The following GOLGA5 variants were observed in gnomAD, a reference collection of about 807,000 sequenced individuals.
GOLGA5 encodes the protein golgin subfamily A member 5.
GOLGA5 carries 50 observed loss-of-function variants against 93.5 expected under a neutral mutation model. The ratio of observed to expected loss-of-function variants is 0.53; its 90% CI spans 0.43 to 0.68. The LOEUF is 0.68. GOLGA5 is among the 30% of genes least tolerant of loss of function. The pLI is 0.00. For synonymous variants in GOLGA5, 312 were observed against 304.5 expected (o/e 1.02, Z -0.26); for missense variants, 760 against 856.4 (o/e 0.89, Z 1.40).
intron 9 of GOLGA5, among the ~76,000 whole-genome samples, chr14:92,830,873 T>TA (rs972821632): frequency 9.2e-5 from 14 of 152,326 alleles, no homozygotes; most frequent in African/African-American, 3.4e-4. Context: ...GTGCTGGAGT[T>TA]ACACACGTGA....
chr14:92,830,028 G>A (rs1368949992), intron 9 of GOLGA5, among the ~76,000 whole-genome samples: 1 of 152,136 alleles, frequency 6.6e-6, no homozygotes, highest in East Asian at 1.9e-4. Flanking sequence ...TTTATTTAAA[G>A]CAAGCTTGGG....
At chr14:92,829,090 A>G (rs10142750) in intron 9 of GOLGA5, among the ~76,000 whole-genome samples, 112,355 of 151,748 alleles carry the variant, frequency 0.74, 42,045 homozygotes, top group East Asian at 0.85. Context: ...TCAGCTTCCC[A>G]AGTGGCTGGG....
chr14:92,828,988 A>G (rs1885474967), intron 9 of GOLGA5, among the ~76,000 whole-genome samples: 1 of 152,044 alleles, frequency 6.6e-6, no homozygotes, highest in South Asian at 2.1e-4. Context: ...TTTTTGAGAC[A>G]AGGTCCCACT....
intron 2 of GOLGA5, among the ~76,000 whole-genome samples, chr14:92,800,902 A>G (rs975071396): frequency 6.6e-6 from 1 of 152,260 alleles, no homozygotes; most frequent in Non-Finnish European, 1.5e-5. Flanking sequence ...AACTGGTTAT[A>G]ATACACAGGA....
rs762126649 is a variant in GOLGA5 at position 92,806,783 on chromosome 14, T to C, written c.592T>C (p.Ser198Pro). The change falls in exon 3 of 13, where the codon TCA becomes CCA. Residue 198 changes from serine to proline, a missense_variant. Ser to Pro is a moderately conservative substitution (Grantham distance 74, BLOSUM62 -1). Transcript: ENST00000163416. ...DSSHEGQEESSKENVSSNAAC... is the reference protein window; with the variant it reads ...DSSHEGQEESPKENVSSNAAC... The stretch of plus-strand genomic sequence containing the variant: ...TAGCCATGAAGGTCAAGAGGAATCT[T>C]CAAAGGAAAATGTGTCATCAAATGC... 1.2e-6 allele frequency: 2 copies of C among 1,614,020 alleles called. No individual in the cohort carries two copies. The highest frequency in any genetic ancestry group is 1.1e-5 in the South Asian group (1 of 91,082).
At chr14:92,813,321 T>C (rs1002683524) in intron 6 of GOLGA5, among the ~76,000 whole-genome samples, 1 of 152,206 alleles carries the variant, frequency 6.6e-6, no homozygotes, top group African/African-American at 2.4e-5. Flanking sequence ...ACATTCATCT[T>C]AGTGGAAAGA....
At chr14:92,806,199 C>G (rs1884982132) in intron 2 of GOLGA5, among the ~76,000 whole-genome samples, 1 of 152,206 alleles carries the variant, frequency 6.6e-6, no homozygotes. Context: ...TGGTGTTGTA[C>G]TGTCTGTTGT....
At chr14:92,832,132 A>G (rs376901808) in intron 9 of GOLGA5, among the ~76,000 whole-genome samples, 2 of 152,336 alleles carry the variant, frequency 1.3e-5, no homozygotes, top group South Asian at 2.1e-4. Context: ...TTACCAAGAA[A>G]GCTAAGATTA....
intron 4 of GOLGA5, 34 bp downstream of exon 4, chr14:92,809,553 C>CAAGT (rs781256667): frequency 1.1e-5 from 15 of 1,315,526 alleles, no homozygotes; most frequent in African/African-American, 1.5e-5. Flanking sequence ...AAAAAATGAG[C>CAAGT]AAGTAATGGT....
rs1595607428 is a variant in GOLGA5, at chr14:92,837,570, TTTG to T, written c.2115+124_2115+126del. On this transcript the variant is annotated intron_variant, in intron 12 of 12. Transcript: ENST00000163416. ...TATTTTAGCAATCAATCAATTTTTT[TTTG>T]TTTTTTTTGAAACAGGGTCTGGCTC... The T allele has an allele frequency of 4.7e-6, 3 of 638,514 alleles. No individual in the cohort carries two copies. The East Asian group carries it at 8.2e-5, about 18-fold the overall frequency. 39.6% of individuals were successfully genotyped at this position (638,514 alleles called of 1,614,324 possible).
At chr14:92,810,635 A>G (rs755750589) in intron 5 of GOLGA5, 1 of 222,194 alleles carries the variant, frequency 4.5e-6, no homozygotes, top group Non-Finnish European at 8.7e-6. Flanking sequence ...TGCAACAATC[A>G]TTGTCATTAT....
Position 92,837,415 on chromosome 14 carries a change from AC to A in GOLGA5, c.2085del (p.Ile696Ter). 6.5e-7 allele frequency: 1 copy of A among 1,545,110 alleles called. No homozygotes were observed. The highest frequency in any genetic ancestry group is 8.9e-7 in the Non-Finnish European group (1 of 1,117,704). ...SIRLGIFLRR[Y>X]PIARVFVIIY... ...CGCCTGGGAATTTTTCTCCGAAGAT[AC>A]CCCATAGCGCGAGTTTTTGTAATTA... On this transcript the variant is annotated frameshift_variant, in exon 12 of 13. Transcript: ENST00000163416. LOFTEE classifies it high-confidence loss of function.
intron 12 of GOLGA5, among the ~76,000 whole-genome samples, chr14:92,838,502 GGGCTACAGGCGCACGCCAC>G (rs1885692979): frequency 6.6e-6 from 1 of 151,988 alleles, no homozygotes; most frequent in Admixed American, 6.6e-5. Flanking sequence ...CGAGTACCTG[GGGCTACAGGCGCACGCCAC>G]TGCACCTAGC....
intron 7 of GOLGA5, among the ~76,000 whole-genome samples, chr14:92,818,529 T>C (rs941413691): frequency 5.3e-5 from 8 of 152,218 alleles, no homozygotes; most frequent in South Asian, 2.1e-4. Flanking sequence ...GTAGTCAAAT[T>C]GATGACAAAG....
At chr14:92,835,130 C>T (rs527722580) in intron 10 of GOLGA5, among the ~76,000 whole-genome samples, 9 of 152,130 alleles carry the variant, frequency 5.9e-5, no homozygotes, top group East Asian at 1.9e-4. Flanking sequence ...TTGGGGTGCC[C>T]GTTAGATATC....
At chr14:92,827,289 A>G (rs1431072432) in intron 9 of GOLGA5, among the ~76,000 whole-genome samples, 1 of 152,228 alleles carries the variant, frequency 6.6e-6, no homozygotes, top group African/African-American at 2.4e-5. Flanking sequence ...CATTTTTCCA[A>G]CAGCATATGC....
chr14:92,802,058 A>G (rs1884885129), intron 2 of GOLGA5, among the ~76,000 whole-genome samples: 1 of 152,094 alleles, frequency 6.6e-6, no homozygotes, highest in Non-Finnish European at 1.5e-5. Context: ...ATCAAGTTTC[A>G]CAGAAACTCT....
At chr14:92,797,040 T>G (rs577092318) in intron 1 of GOLGA5, among the ~76,000 whole-genome samples, 1 of 150,346 alleles carries the variant, frequency 6.7e-6, no homozygotes, top group African/African-American at 2.4e-5. Context: ...AAACAGTAAT[T>G]TATTATTACT....
intron 7 of GOLGA5, among the ~76,000 whole-genome samples, chr14:92,818,204 A>G (rs1333567995): frequency 6.6e-6 from 1 of 152,176 alleles, no homozygotes; most frequent in African/African-American, 2.4e-5. Context: ...AATTTATGCA[A>G]TGTATAATAA....
Sources: allele counts gnomAD v4.1 joint callset (sites outside exome capture counted in the v4.1 genomes callset), GRCh38; gene constraint gnomAD v4.1.1; transcripts MANE v1.5; gene names NCBI Gene and HGNC (gene_info 2026-07-23, HGNC 2026-07-21).